DLG2: variants seen among roughly 807,000 people sequenced by gnomAD.
DLG2 encodes disks large homolog 2.
DLG2 carries 45 observed loss-of-function variants against 132.5 expected under a neutral mutation model. The observed-to-expected ratio is 0.34, with a 90% CI of 0.27 to 0.44. The LOEUF (loss-of-function observed/expected upper bound fraction) is 0.44. DLG2 is among the 20% of genes least tolerant of loss of function. The pLI is 1.00. For missense variants in DLG2, 1,045 were observed against 1,196.9 expected, an observed-to-expected ratio of 0.87 and a Z score of 1.87; for synonymous variants, 424 against 419.6, an observed-to-expected ratio of 1.01 and a Z score of -0.13.
intron 7 of DLG2, among the ~76,000 whole-genome samples, chr11:84,266,908 T>G (rs1273722648): frequency 8.5e-5 from 13 of 152,220 alleles, no homozygotes; most frequent in Admixed American, 8.5e-4. Flanking sequence ...TAAGAAACCA[T>G]ACTTGGCACT....
At chr11:84,390,260 T>C (rs1378899461) in intron 7 of DLG2, among the ~76,000 whole-genome samples, 5 of 152,166 alleles carry the variant, frequency 3.3e-5, no homozygotes, top group African/African-American at 1.2e-4. Flanking sequence ...ACTTAGTGAA[T>C]TATGAGTTCC....
chr11:84,182,216 A>G (rs2096151380), intron 8 of DLG2, among the ~76,000 whole-genome samples: 1 of 152,208 alleles, frequency 6.6e-6, no homozygotes, highest in Admixed American at 6.5e-5. Flanking sequence ...TCAATAATGG[A>G]AAGACAGCTG....
At position 85,526,667 on chromosome 11, in the gene DLG2, C is replaced by G. The variant is rs2074775647; in HGVS notation, c.40+71990G>C. ...CAATTTTACTGTGCTAAGGGAAACT[C>G]TGATTGCTAGTAAATAGTTTTTCTG... On this transcript the variant is annotated intron_variant, in intron 3 of 27. Coordinates refer to ENST00000376104, the MANE Select transcript of DLG2 (RefSeq NM_001142699.3). 2.0e-5 allele frequency among the ~76,000 whole-genome samples: 3 copies of G among 152,104 alleles called. No homozygotes were observed. The South Asian group carries it at 6.2e-4, about 31-fold the overall frequency.
chr11:83,597,122 T>C (rs2057728237), intron 19 of DLG2, among the ~76,000 whole-genome samples: 2 of 152,266 alleles, frequency 1.3e-5, no homozygotes, highest in South Asian at 4.1e-4. Flanking sequence ...GTTGTATCTA[T>C]AAAATAGGGA....
intron 7 of DLG2, among the ~76,000 whole-genome samples, chr11:84,448,161 C>A (rs1394713022): frequency 1.3e-5 from 2 of 152,060 alleles, no homozygotes; most frequent in Non-Finnish European, 2.9e-5. Context: ...AACCTGACTG[C>A]TTTGGAATGG....
intron 4 of DLG2, among the ~76,000 whole-genome samples, chr11:85,185,239 C>A (rs1381892185): frequency 6.6e-6 from 1 of 151,926 alleles, no homozygotes; most frequent in African/African-American, 2.4e-5. Flanking sequence ...CCCTTTTACT[C>A]TTCTCTTAAC....
At chr11:83,790,673 C>G in intron 17 of DLG2, 1 of 907,092 alleles carries the variant, frequency 1.1e-6, no homozygotes, top group Non-Finnish European at 1.9e-6. Context: ...GATGCGGACC[C>G]ACTCTGGGGC....
At chr11:85,193,601 T>C (rs1244323746) in intron 4 of DLG2, among the ~76,000 whole-genome samples, 6 of 152,186 alleles carry the variant, frequency 3.9e-5, no homozygotes, top group Admixed American at 1.3e-4. Context: ...TCTCATTCTA[T>C]TTTGACTTGC....
chr11:83,697,703 GA>G (rs1344344579), intron 18 of DLG2, among the ~76,000 whole-genome samples: 1 of 152,176 alleles, frequency 6.6e-6, no homozygotes, highest in African/African-American at 2.4e-5. Flanking sequence ...GCCTGGCCAA[GA>G]AAAGTTGCTG....
At chr11:84,333,841 T>C (rs868828583) in intron 7 of DLG2, among the ~76,000 whole-genome samples, 14 of 152,348 alleles carry the variant, frequency 9.2e-5, no homozygotes, top group Admixed American at 1.3e-4. Flanking sequence ...ACAAATTATT[T>C]AATGCTTACA....
chr11:83,827,135 G>A (rs1024696363), intron 17 of DLG2, among the ~76,000 whole-genome samples: 3 of 152,034 alleles, frequency 2.0e-5, no homozygotes, highest in African/African-American at 7.3e-5. Flanking sequence ...GAGGTCTGGC[G>A]GCTCATATGA....
At chr11:85,313,518 T>C (rs1286209127) in intron 3 of DLG2, among the ~76,000 whole-genome samples, 1 of 152,048 alleles carries the variant, frequency 6.6e-6, no homozygotes, top group Non-Finnish European at 1.5e-5. Context: ...TTTAAGTACA[T>C]TAATAAACTA....
Position 85,481,996 on chromosome 11 carries a change from A to G in DLG2, c.40+116661T>C, listed in dbSNP as rs570635927. Among the ~76,000 whole-genome samples the G allele has an allele frequency of 5.3e-5, 8 of 152,222 alleles. No individual in the cohort carries two copies. In the East Asian group the frequency reaches 1.6e-3, roughly 30 times the overall value. ...TGAGCTCCAAGCCTGCCACAGCACA[A>G]GGCTAAGCCCAGAGGCCCCAAGCTC... is the stretch of plus-strand genomic sequence containing the variant. On this transcript the variant is annotated intron_variant, in intron 3 of 27. Coordinates refer to ENST00000376104, the MANE Select transcript of DLG2 (RefSeq NM_001142699.3).
chr11:84,060,062 C>T (rs1018886277), intron 10 of DLG2, among the ~76,000 whole-genome samples: 1 of 152,086 alleles, frequency 6.6e-6, no homozygotes, highest in Non-Finnish European at 1.5e-5. Flanking sequence ...CCTGTAATCC[C>T]AGCACTTTGG....
intron 5 of DLG2, chr11:85,133,008 A>G (rs1014477348): frequency 3.5e-5 from 12 of 342,906 alleles, no homozygotes; most frequent in South Asian, 4.5e-5. Context: ...AAAATCCCCT[A>G]GAAATCAGCT....
At chr11:84,313,012 A>G (rs939245112) in intron 7 of DLG2, among the ~76,000 whole-genome samples, 1 of 151,708 alleles carries the variant, frequency 6.6e-6, no homozygotes, top group African/African-American at 2.4e-5. Flanking sequence ...GGGCTTCACC[A>G]TGTTGGCCAA....
intron 21 of DLG2, among the ~76,000 whole-genome samples, chr11:83,516,895 CT>C (rs1295615566): frequency 1.4e-5 from 2 of 146,926 alleles, no homozygotes; most frequent in African/African-American, 2.5e-5. Context: ...GAGAGATCCG[CT>C]GTTAGTCTGA....
chr11:85,082,051 TA>T (rs1160393590), intron 6 of DLG2, among the ~76,000 whole-genome samples: 2 of 151,936 alleles, frequency 1.3e-5, no homozygotes, highest in Admixed American at 6.6e-5. Flanking sequence ...CTTAACCATT[TA>T]AAAAAAATGG....
chr11:84,731,205 A>G (rs968655237), intron 6 of DLG2, among the ~76,000 whole-genome samples: 11 of 151,994 alleles, frequency 7.2e-5, no homozygotes, highest in Admixed American at 5.3e-4. Flanking sequence ...TCATGGAAAA[A>G]CTTTGCTTGG....
Sources: allele counts gnomAD v4.1 joint callset (sites outside exome capture counted in the v4.1 genomes callset), GRCh38; gene constraint gnomAD v4.1.1; transcripts MANE v1.5; gene names NCBI Gene and HGNC (gene_info 2026-07-23, HGNC 2026-07-21).